Variants in FCHSD2 observed in about 807,000 individuals in gnomAD.
FCHSD2 encodes the protein FCH and double SH3 domains 2.
Under a neutral mutation model 108.1 loss-of-function variants are expected in FCHSD2, and 38 were observed. That is an observed-to-expected ratio of 0.35 (90% CI 0.27 to 0.46). The LOEUF (loss-of-function observed/expected upper bound fraction) is 0.46. FCHSD2 is among the 20% of genes least tolerant of loss of function. The probability of loss-of-function intolerance (pLI) is 1.00; values close to 1 mark genes in which losing one functional copy is unlikely to be tolerated. For missense variants in FCHSD2, 751 were observed against 897.8 expected (o/e 0.84, Z 2.09); for synonymous variants, 279 against 314.7 (o/e 0.89, Z 1.20).
At chr11:72,939,537 A>G (rs1856371095) in intron 8 of FCHSD2, among the ~76,000 whole-genome samples, 1 of 150,498 alleles carries the variant, frequency 6.6e-6, no homozygotes, top group African/African-American at 2.4e-5. Context: ...TTTCTTGGTT[A>G]GAATTTGATC....
At chr11:73,105,580 T>TA (rs1283246833) in intron 2 of FCHSD2, among the ~76,000 whole-genome samples, 1 of 152,198 alleles carries the variant, frequency 6.6e-6, no homozygotes, top group African/African-American at 2.4e-5. Context: ...TTTTTACATC[T>TA]ACAAAATATA....
intron 4 of FCHSD2, among the ~76,000 whole-genome samples, chr11:73,001,946 C>A (rs190965840): frequency 3.8e-4 from 58 of 152,274 alleles, no homozygotes; most frequent in African/African-American, 1.3e-3. Context: ...TTAGTCAATT[C>A]TAGCATGCTC....
chr11:72,932,134 TC>T (rs1214546179), intron 8 of FCHSD2, among the ~76,000 whole-genome samples: 5 of 152,154 alleles, frequency 3.3e-5, no homozygotes, highest in African/African-American at 1.2e-4. Context: ...CTCTGCCTTG[TC>T]CCCCACATAC....
chr11:73,138,604 ATTTTT>A (rs535753859), intron 2 of FCHSD2, among the ~76,000 whole-genome samples: 4 of 119,788 alleles, frequency 3.3e-5, no homozygotes, highest in Non-Finnish European at 3.5e-5. Flanking sequence ...TTGCACAGGA[ATTTTT>A]TTTTTTTTTT....
intron 6 of FCHSD2, among the ~76,000 whole-genome samples, chr11:72,988,502 G>A (rs1857352000): frequency 2.0e-5 from 3 of 152,008 alleles, no homozygotes; most frequent in African/African-American, 7.3e-5. Flanking sequence ...ACAGTGCCTG[G>A]GGCAGGGTTT....
chr11:73,005,444 T>C (rs1857719125), intron 4 of FCHSD2, among the ~76,000 whole-genome samples: 1 of 152,186 alleles, frequency 6.6e-6, no homozygotes, highest in African/African-American at 2.4e-5. Flanking sequence ...TTGAAATGTT[T>C]TCTTCACTTG....
chr11:72,866,569 C>T (rs919884998), intron 13 of FCHSD2, among the ~76,000 whole-genome samples: 1 of 152,130 alleles, frequency 6.6e-6, no homozygotes, highest in African/African-American at 2.4e-5. Flanking sequence ...CATGCACGGC[C>T]AGAGCAACTC....
intron 8 of FCHSD2, among the ~76,000 whole-genome samples, chr11:72,972,754 G>A (rs1174786919): frequency 5.4e-5 from 8 of 149,448 alleles, no homozygotes; most frequent in African/African-American, 1.9e-4. Flanking sequence ...CCTTGTGGGC[G>A]GCACCAGAGA....
intron 2 of FCHSD2, among the ~76,000 whole-genome samples, chr11:73,136,982 T>G (rs1175129381): frequency 6.6e-6 from 1 of 151,888 alleles, no homozygotes; most frequent in Admixed American, 6.6e-5. Context: ...AAGCTGAGAT[T>G]GCACCACTGC....
In FCHSD2 at chr11:72,986,354, C is replaced by T. The variant is rs534415870; in HGVS notation, c.522-1238G>A. Among the ~76,000 whole-genome samples, 9 of 152,112 alleles carry T rather than the reference C, an allele frequency of 5.9e-5. No individual in the cohort carries two copies. In the East Asian group the frequency reaches 1.4e-3, roughly 23 times the overall value. ...CCTCCCGAGTAGCTGGGACTACAGG[C>T]GCCTGCCACCACGCCCAGCTAATTT... is the stretch of plus-strand genomic sequence containing the variant. On this transcript the variant is annotated intron_variant, in intron 6 of 19. Transcript: ENST00000409418.
chr11:73,089,888 G>A (rs879665464), intron 2 of FCHSD2, among the ~76,000 whole-genome samples: 10 of 152,084 alleles, frequency 6.6e-5, no homozygotes, highest in Admixed American at 1.3e-4. Context: ...TAAAAATTCC[G>A]AGAAAGAGTA....
intron 3 of FCHSD2, among the ~76,000 whole-genome samples, chr11:73,018,629 T>A (rs908411898): frequency 6.6e-6 from 1 of 152,082 alleles, no homozygotes; most frequent in Non-Finnish European, 1.5e-5. Flanking sequence ...TACATTACTC[T>A]GTTTCTAATG....
chr11:73,042,748 G>GT (rs1215040942), intron 3 of FCHSD2, among the ~76,000 whole-genome samples: 2 of 152,030 alleles, frequency 1.3e-5, no homozygotes, highest in Non-Finnish European at 2.9e-5. Context: ...GTGTTTTGCG[G>GT]TTTTTTGTTG....
intron 9 of FCHSD2, among the ~76,000 whole-genome samples, chr11:72,909,185 C>A (rs577463372): frequency 6.6e-6 from 1 of 152,108 alleles, no homozygotes; most frequent in South Asian, 2.1e-4. Context: ...TGCAGGCACA[C>A]GCCGCCACGC....
intron 9 of FCHSD2, among the ~76,000 whole-genome samples, chr11:72,914,560 T>C (rs925284497): frequency 6.6e-6 from 1 of 151,748 alleles, no homozygotes; most frequent in Non-Finnish European, 1.5e-5. Flanking sequence ...TGAAACAGAA[T>C]AGAGAACCCA....
At position 73,084,433 on chromosome 11, in the gene FCHSD2, T is replaced by C. The variant is rs1859767644; in HGVS notation, c.120-693A>G. ...AGAGATAGGGTCTTGTTCTGTTGCC[T>C]AGGCTTGAGTGCGGCGGTGAGGTCC... On this transcript the variant is annotated intron_variant, in intron 2 of 19. Transcript: ENST00000409418. Among the ~76,000 whole-genome samples the C allele has an allele frequency of 2.0e-5, 3 of 152,210 alleles. No individual in the cohort carries two copies. In the South Asian group the frequency reaches 6.2e-4, roughly 32 times the overall value.
At chr11:73,114,289 G>A (rs1399872209) in intron 2 of FCHSD2, among the ~76,000 whole-genome samples, 1 of 151,914 alleles carries the variant, frequency 6.6e-6, no homozygotes, top group African/African-American at 2.4e-5. Context: ...CAGTCATCTT[G>A]TGGTGAATTC....
chr11:72,963,329 G>T lies in FCHSD2; in HGVS notation c.705+20759C>A, dbSNP rs1856849800. Among the ~76,000 whole-genome samples the T allele has an allele frequency of 2.6e-5, 4 of 152,002 alleles. No homozygotes were observed. In the South Asian group the frequency reaches 8.3e-4, roughly 31 times the overall value. On this transcript the variant is annotated intron_variant, in intron 8 of 19. Transcript: ENST00000409418. ...TGGCAAAGTAGTGAGCATTTACTAC[G>T]CACTATCTCATTTAGATTTCCTAAA...
At chr11:73,107,122 C>T (rs1455488557) in intron 2 of FCHSD2, among the ~76,000 whole-genome samples, 5 of 152,096 alleles carry the variant, frequency 3.3e-5, no homozygotes, top group African/African-American at 1.2e-4. Context: ...CTGCAACCTC[C>T]GCCTCCTGGG....
Sources: allele counts gnomAD v4.1 joint callset (sites outside exome capture counted in the v4.1 genomes callset), GRCh38; gene constraint gnomAD v4.1.1; transcripts MANE v1.5; gene names NCBI Gene and HGNC (gene_info 2026-07-23, HGNC 2026-07-21).